Variants in SEC24C observed in about 807,000 individuals in gnomAD.
The protein encoded by SEC24C is SEC24 homolog C, COPII component.
SEC24C carries 22 observed loss-of-function variants against 117.0 expected under a neutral mutation model. That is an observed-to-expected ratio of 0.19 (90% CI 0.13 to 0.27). The LOEUF (loss-of-function observed/expected upper bound fraction) is 0.27. Ranked by LOEUF, SEC24C falls within the 10% of genes least tolerant of loss-of-function variation. SEC24C has a pLI of 1.00. For synonymous variants in SEC24C, 506 were observed against 529.4 expected, an observed-to-expected ratio of 0.96 and a Z score of 0.61; for missense variants, 1,155 against 1,375.1, an observed-to-expected ratio of 0.84 and a Z score of 2.53.
intron 14 of SEC24C, 65 bp from the exon 15 acceptor site, chr10:73,767,772 G>A: frequency 7.6e-7 from 1 of 1,322,970 alleles, no homozygotes; most frequent in Non-Finnish European, 1.0e-6. Context: ...TAGATATACA[G>A]TTTTCAAATA....
At chr10:73,747,517 A>G (rs765535276) in intron 2 of SEC24C, among the ~76,000 whole-genome samples, 4 of 151,458 alleles carry the variant, frequency 2.6e-5, no homozygotes, top group Admixed American at 6.6e-5. Flanking sequence ...ACACCAGCTA[A>G]TTTTTTTGTC....
chr10:73,771,286 G>A lies in SEC24C; in HGVS notation c.*191G>A. ...ACTCTGTCATGTCCTGCTGATGGAA[G>A]GTGCCCCTGTTCCCTCATTCTACCC... is the stretch of plus-strand genomic sequence containing the variant. On this transcript the variant is annotated 3_prime_UTR_variant, in exon 23 of 23. Coordinates refer to ENST00000345254, the MANE Select transcript of SEC24C (RefSeq NM_198597.3). The A allele has an allele frequency of 1.6e-6, 1 of 626,880 alleles. No homozygotes were observed. The highest frequency in any genetic ancestry group is 2.1e-5 in the South Asian group (1 of 48,310). The allele number at this position is 626,880 out of a possible 1,614,324, so 38.8% of individuals were successfully genotyped here. A position where few individuals can be genotyped will look rare whatever the true frequency, so the allele number is the denominator to read the frequency against.
rs114629311 is a variant in SEC24C at position 73,764,705 on chromosome 10, T to G, written c.1227+722T>G. ...ACAGCATATAAGAGAAAAGGTAGAT[T>G]AGGATCCAGTGATCCTTCTGTCACC... On this transcript the variant is annotated intron_variant, in intron 8 of 22. Transcript: ENST00000345254. 3.4e-3 allele frequency among the ~76,000 whole-genome samples: 514 copies of G among 152,234 alleles called. 6 individuals are homozygous for G. The highest frequency in any genetic ancestry group is 0.012 in the African/African-American group (503 of 41,534).
chr10:73,750,691 C>T (rs1338071734), intron 2 of SEC24C, among the ~76,000 whole-genome samples: 1 of 152,164 alleles, frequency 6.6e-6, no homozygotes, highest in Admixed American at 6.5e-5. Context: ...AGCCTAGTTC[C>T]GTATATTACT....
In SEC24C at chr10:73,760,754, G is replaced by C; in HGVS notation, c.892G>C (p.Gly298Arg). 4.3e-6 allele frequency: 7 copies of C among 1,613,770 alleles called. No homozygotes were observed. The highest frequency in any genetic ancestry group is 5.9e-6 in the Non-Finnish European group (7 of 1,179,898). The change falls in exon 6 of 23, where the codon GGC becomes CGC. Residue 298 changes from glycine (G) to arginine (R), a missense_variant. By Grantham distance (125) the Gly-to-Arg change is moderately radical. This residue lies in a region of SEC24C where 396 missense variants were observed against 382.8 expected (regional missense o/e 1.03). Coordinates refer to ENST00000345254, the MANE Select transcript of SEC24C (RefSeq NM_198597.3). Reference protein sequence around the residue: ...PARGPQSNYGGPYPAAPTFGS... With the variant: ...PARGPQSNYGRPYPAAPTFGS... Reference sequence around the variant, plus strand: ...CCGGGGCCCTCAGTCTAATTATGGAGGCCCCTACCCAGCAGCACCCACCTT... The same window carrying C: ...CCGGGGCCCTCAGTCTAATTATGGACGCCCCTACCCAGCAGCACCCACCTT...
intron 7 of SEC24C, 65 bp downstream of exon 7, chr10:73,763,666 G>GATTTTTT (rs1565044336): frequency 7.0e-5 from 15 of 212,950 alleles, no homozygotes; most frequent in Middle Eastern, 2.6e-3. Flanking sequence ...TATGGTTGGG[G>GATTTTTT]CTTTTTTTTT....
At chr10:73,766,040 G>A (rs201681162) in intron 10 of SEC24C, 46 bp from the exon 11 acceptor site, 6 of 1,604,924 alleles carry the variant, frequency 3.7e-6, no homozygotes, top group Middle Eastern at 3.3e-4. Context: ...TAGTCAACTG[G>A]CCTGCTTACC....
intron 2 of SEC24C, among the ~76,000 whole-genome samples, chr10:73,748,470 T>C (rs936734006): frequency 7.3e-6 from 1 of 137,188 alleles, no homozygotes; most frequent in Non-Finnish European, 1.6e-5. Flanking sequence ...AATTTTGCTC[T>C]TGTTACCCAG....
In SEC24C at chr10:73,754,212, T is replaced by G. The variant is rs138859746; in HGVS notation, c.308+2969T>G. Among the ~76,000 whole-genome samples the G allele has an allele frequency of 2.0e-4, 30 of 152,132 alleles. No homozygotes were observed. In the East Asian group the frequency reaches 5.6e-3, roughly 28 times the overall value. ...GGTGGATCACCTGAGGTAAGGAGTTTGAGACCAGCCTGGCTAACATGGTGA... is the reference window on the plus strand; with the variant it reads ...GGTGGATCACCTGAGGTAAGGAGTTGGAGACCAGCCTGGCTAACATGGTGA... On this transcript the variant is annotated intron_variant, in intron 3 of 22. Transcript: ENST00000345254.
At chr10:73,762,052 C>G (rs868808254) in intron 6 of SEC24C, 1 of 1,232,114 alleles carries the variant, frequency 8.1e-7, no homozygotes, top group Non-Finnish European at 1.1e-6. Context: ...TCTTTTGTCT[C>G]CCTCCTTGTA....
intron 3 of SEC24C, among the ~76,000 whole-genome samples, chr10:73,757,491 C>A (rs78845904): frequency 0.14 from 20,303 of 148,156 alleles, 1,457 homozygotes; most frequent in South Asian, 0.19. Context: ...GGCCTGGGTG[C>A]CAGAGTGAGA....
Position 73,759,810 on chromosome 10 carries a change from C to G in SEC24C, c.481+16C>G, listed in dbSNP as rs182419297. 6.4e-7 allele frequency: 1 copy of G among 1,551,684 alleles called. No individual in the cohort carries two copies. The highest frequency in any genetic ancestry group is 1.4e-5 in the African/African-American group (1 of 72,690). On this transcript the variant is annotated intron_variant, in intron 4 of 22. Transcript: ENST00000345254. ...CTGGGCTTTGGTGAGTGGCTGTGAA[C>G]ACAGGAATGTTACTGTCCCCTGTTC...
At chr10:73,766,303 GTGGT>G in intron 11 of SEC24C, 43 bp from the exon 12 acceptor site, 1 of 1,582,472 alleles carries the variant, frequency 6.3e-7, no homozygotes, top group South Asian at 1.2e-5. Context: ...GAAGTTGTGG[GTGGT>G]GGAAAAGGTG....
rs2082874505 is a variant in SEC24C, at chr10:73,765,854, A to C, written c.1421A>C (p.Tyr474Ser). Residue 474 changes from tyrosine (Y) to serine (S), a missense_variant, in exon 10 of 23, where the codon TAT (tyrosine) becomes TCT (serine). By Grantham distance (144) the Tyr-to-Ser change is moderately radical. Around this residue, in one of 2 missense-constraint regions of SEC24C, gnomAD observed 759 missense variants for 992.3 expected, o/e 0.76. Transcript: ENST00000345254. ...LDHTGKRVDA[Y>S]DRPELSLGSY... ...CATACCGGCAAACGTGTGGATGCTT[A>C]TGACCGCCCTGAGCTATCCCTGGGC... The C allele has an allele frequency of 6.2e-7, 1 of 1,614,120 alleles. No individual in the cohort carries two copies. Among genetic ancestry groups the C allele is most frequent in the African/African-American group, 1.3e-5 (1 of 75,034 alleles).
intron 1 of SEC24C, 195 bp from the exon 2 acceptor site, chr10:73,746,610 A>G (rs945776012): frequency 4.4e-6 from 2 of 452,240 alleles, no homozygotes; most frequent in Non-Finnish European, 7.8e-6. Flanking sequence ...TGGTCAGAAT[A>G]ACAAAATCCT....
At chr10:73,767,195 G>C (rs767183652) in intron 14 of SEC24C, 25 bp downstream of exon 14, 3 of 1,507,508 alleles carry the variant, frequency 2.0e-6, no homozygotes, top group South Asian at 2.2e-5. Context: ...AATGGGGGAG[G>C]GGAAGGATTT....
At chr10:73,759,475 T>C in intron 3 of SEC24C, 147 bp from the exon 4 acceptor site, 1 of 493,570 alleles carries the variant, frequency 2.0e-6, no homozygotes, top group East Asian at 3.5e-5. Context: ...CCCACAAATA[T>C]ACAAAAGTAT....
chr10:73,766,644 T>C, intron 12 of SEC24C, 103 bp downstream of exon 12: 1 of 1,452,606 alleles, frequency 6.9e-7, no homozygotes, highest in Non-Finnish European at 9.5e-7. Context: ...GGAAAGGGGT[T>C]GTGGCCCAGG....
intron 3 of SEC24C, among the ~76,000 whole-genome samples, chr10:73,757,517 T>TAA (rs755487856): frequency 3.6e-5 from 4 of 111,714 alleles, no homozygotes; most frequent in African/African-American, 1.0e-4. Context: ...TCTCAAAAAC[T>TAA]AAAAAAAAAA....
Sources: allele counts gnomAD v4.1 joint callset (sites outside exome capture counted in the v4.1 genomes callset), GRCh38; gene constraint gnomAD v4.1.1; regional missense constraint gnomAD v4.1.1; transcripts MANE v1.5; gene names NCBI Gene and HGNC (gene_info 2026-07-23, HGNC 2026-07-21).